NEK4: variants seen among roughly 807,000 people sequenced by gnomAD.
NEK4 encodes the protein serine/threonine-protein kinase Nek4.
NEK4 carries 86 observed loss-of-function variants against 98.4 expected under a neutral mutation model. The ratio of observed to expected loss-of-function variants is 0.87; its 90% confidence interval spans 0.73 to 1.05. NEK4 has a LOEUF of 1.05. Ranked by LOEUF, NEK4 falls within the 50% of genes least tolerant of loss-of-function variation. The pLI is 0.00. For synonymous variants in NEK4, 328 were observed against 342.2 expected, an observed-to-expected ratio of 0.96 and a Z score of 0.46; for missense variants, 898 against 950.3, an observed-to-expected ratio of 0.94 and a Z score of 0.72.
chr3:52,709,850 A>T lies in NEK4; in HGVS notation c.*1927T>A, dbSNP rs916916404. On this transcript the variant is annotated 3_prime_UTR_variant, in exon 16 of 16. Coordinates refer to ENST00000233027, the MANE Select transcript of NEK4 (RefSeq NM_003157.6). The stretch of plus-strand genomic sequence containing the variant: ...CCAAAACATGCACGGAAAGGTGAAT[A>T]GCTCAAGGATACCAAGTTTGCCAAA... The T allele has an allele frequency of 2.0e-5, 3 of 152,214 alleles. No homozygotes were observed. The highest frequency in any genetic ancestry group is 7.2e-5 in the African/African-American group (3 of 41,454). 9.4% of individuals were successfully genotyped at this position (152,214 alleles called of 1,614,324 possible).
At position 52,709,437 on chromosome 3, in the gene NEK4, T is replaced by C. The variant is rs1056713281; in HGVS notation, c.*2340A>G. 4.0e-5 allele frequency: 6 copies of C among 151,894 alleles called. No homozygotes were observed. Among genetic ancestry groups the C allele is most frequent in the Non-Finnish European group, 8.8e-5 (6 of 67,980 alleles). The allele number at this position is 151,894 out of a possible 1,614,324, so 9.4% of individuals were successfully genotyped here. A position where few individuals can be genotyped will look rare whatever the true frequency, so the allele number is the denominator to read the frequency against. On this transcript the variant is annotated 3_prime_UTR_variant, in exon 16 of 16. Transcript: ENST00000233027. ...AAAGTATGGGGGAAGTCAGGTGTGG[T>C]GGTTCATGCCTATAATCCCAGCACT...
rs553294599 is a variant in NEK4 at position 52,758,825 on chromosome 3, G to A, written c.963+1970C>T. On this transcript the variant is annotated intron_variant, in intron 6 of 15. Transcript: ENST00000233027. ...ACAATTTAAAACTGGGCAGGGGCTG[G>A]GTGATGTGGCTCATACCTGTAATAT... Among the ~76,000 whole-genome samples, 3 of 152,196 alleles carry A rather than the reference G, an allele frequency of 2.0e-5. No individual in the cohort carries two copies. In the South Asian group the frequency reaches 6.2e-4, roughly 32 times the overall value.
At chr3:52,766,104 G>A (rs1559451617) in intron 3 of NEK4, 74 bp downstream of exon 3, 5 of 1,475,108 alleles carry the variant, frequency 3.4e-6, no homozygotes. Flanking sequence ...ATAATTCTCT[G>A]ACTTAATTAA....
chr3:52,732,747 C>T (rs2097371135), intron 15 of NEK4: 1 of 275,016 alleles, frequency 3.6e-6, no homozygotes, highest in Non-Finnish European at 7.7e-6. Context: ...GCATTATCTC[C>T]ATGTTGGAGA....
intron 15 of NEK4, among the ~76,000 whole-genome samples, chr3:52,721,409 G>A (rs1445241283): frequency 6.6e-6 from 1 of 151,870 alleles, no homozygotes; most frequent in Non-Finnish European, 1.5e-5. Flanking sequence ...TCCCCCTTTT[G>A]GGGGCCATAC....
chr3:52,759,105 G>GAAA (rs201147041), intron 6 of NEK4, among the ~76,000 whole-genome samples: 58 of 112,588 alleles, frequency 5.2e-4, no homozygotes, highest in Admixed American at 6.8e-4. Flanking sequence ...AAAGAAAAAA[G>GAAA]AAAAAAAAAA....
In NEK4 at chr3:52,765,932, A is replaced by G. The variant is rs1444355083; in HGVS notation, c.621T>C (p.Asn207=). 1.9e-6 allele frequency: 3 copies of G among 1,612,556 alleles called. No individual in the cohort carries two copies. Among genetic ancestry groups the G allele is most frequent in the African/African-American group, 1.3e-5 (1 of 74,918 alleles). Residue 207 remains asparagine, a synonymous_variant, in exon 4 of 16, where the codon AAT becomes AAC. Coordinates refer to ENST00000233027, the MANE Select transcript of NEK4 (RefSeq NM_003157.6). ...AAACTAAAGAATTCATATCTTTTGCATTGAAAGCATGCTTCAAGGTGGCCA... is the reference window on the plus strand; with the variant it reads ...AAACTAAAGAATTCATATCTTTTGCGTTGAAAGCATGCTTCAAGGTGGCCA... ...YEMATLKHAF[N]AKDMNSLVYR...
At chr3:52,716,262 G>A (rs1465676770) in intron 15 of NEK4, among the ~76,000 whole-genome samples, 2 of 152,144 alleles carry the variant, frequency 1.3e-5, no homozygotes, top group African/African-American at 2.4e-5. Flanking sequence ...AGGCAAAGGC[G>A]CCATCAGCCA....
rs779541543 is a variant in NEK4 at position 52,763,456 on chromosome 3, G to A, written c.821+14C>T. 19 of 1,605,250 alleles carry A rather than the reference G, an allele frequency of 1.2e-5. No homozygotes were observed. Among genetic ancestry groups the A allele is most frequent in the Non-Finnish European group, 1.4e-5 (17 of 1,174,998 alleles). On this transcript the variant is annotated intron_variant, in intron 5 of 15. Transcript: ENST00000233027. The stretch of plus-strand genomic sequence containing the variant: ...ATCTATTTAGCCCAGCTATTTGCAA[G>A]GGAAGTATCTTACATCTTTGTGGCC...
chr3:52,767,694 G>A (rs1479292334), intron 2 of NEK4, among the ~76,000 whole-genome samples: 1 of 146,244 alleles, frequency 6.8e-6, no homozygotes, highest in Non-Finnish European at 1.5e-5. Flanking sequence ...CTCCAGCCTA[G>A]ATAACAAAAA....
chr3:52,744,191 ACC>A, intron 11 of NEK4, 46 bp downstream of exon 11: 1 of 1,382,904 alleles, frequency 7.2e-7, no homozygotes, highest in Non-Finnish European at 1.0e-6. Flanking sequence ...CTGTCCACGA[ACC>A]ATACCCCTAA....
In NEK4 at chr3:52,741,517, G is replaced by A. The variant is rs753110977; in HGVS notation, c.2005-18C>T. ...TTCCTTTCCTATTAAATGTTTGGAA[G>A]AATTAAAATTCTACATGACAACACA... is the stretch of plus-strand genomic sequence containing the variant. On this transcript the variant is annotated intron_variant, in intron 12 of 15. Transcript: ENST00000233027. 23 of 1,511,874 alleles carry A rather than the reference G, an allele frequency of 1.5e-5. No homozygotes were observed. Among genetic ancestry groups the A allele is most frequent in the Non-Finnish European group, 1.9e-5 (21 of 1,087,978 alleles). The allele number at this position is 1,511,874 out of a possible 1,614,324, so 93.7% of individuals were successfully genotyped here. A position where few individuals can be genotyped will look rare whatever the true frequency, so the allele number is the denominator to read the frequency against.
At chr3:52,740,249 A>C (rs995668310) in intron 13 of NEK4, among the ~76,000 whole-genome samples, 23 of 152,194 alleles carry the variant, frequency 1.5e-4, no homozygotes, top group Non-Finnish European at 2.6e-4. Flanking sequence ...AAGTGACACG[A>C]CTGATAGAAT....
intron 15 of NEK4, among the ~76,000 whole-genome samples, chr3:52,719,391 C>G (rs2097358116): frequency 6.6e-6 from 1 of 151,954 alleles, no homozygotes; most frequent in Non-Finnish European, 1.5e-5. Flanking sequence ...CAAGACCAGC[C>G]TGACCAATAT....
At chr3:52,713,470 T>TA (rs869148022) in intron 15 of NEK4, among the ~76,000 whole-genome samples, 2 of 68,474 alleles carry the variant, frequency 2.9e-5, no homozygotes, top group Non-Finnish European at 8.0e-5. Flanking sequence ...CTGCAAAAAA[T>TA]AAAATAAACA....
At chr3:52,735,687 C>T (rs1026064547) in intron 15 of NEK4, among the ~76,000 whole-genome samples, 3 of 152,216 alleles carry the variant, frequency 2.0e-5, no homozygotes, top group East Asian at 1.9e-4. Flanking sequence ...AAAGTAAGCA[C>T]ACTTTGTCAT....
intron 12 of NEK4, among the ~76,000 whole-genome samples, chr3:52,742,648 T>G (rs17052404): frequency 1.3e-5 from 2 of 152,010 alleles, no homozygotes; most frequent in African/African-American, 4.8e-5. Context: ...TAAACTACAT[T>G]GACACAAATA....
chr3:52,747,580 C>T (rs2154104673), intron 8 of NEK4: 1 of 151,546 alleles, frequency 6.6e-6, no homozygotes, highest in African/African-American at 2.4e-5. Flanking sequence ...CACACAAAAA[C>T]ACAAAATAAT....
At chr3:52,744,163 T>C in intron 11 of NEK4, 76 bp downstream of exon 11, 1 of 1,045,354 alleles carries the variant, frequency 9.6e-7, no homozygotes, top group South Asian at 1.3e-5. Flanking sequence ...CAACCTCTCA[T>C]AGTTAGAACC....
Sources: allele counts gnomAD v4.1 joint callset (sites outside exome capture counted in the v4.1 genomes callset), GRCh38; gene constraint gnomAD v4.1.1; transcripts MANE v1.5; gene names NCBI Gene and HGNC (gene_info 2026-07-23, HGNC 2026-07-21).